ANO4: variants seen among roughly 807,000 people sequenced by gnomAD.
The protein encoded by ANO4 is anoctamin 4.
A neutral mutation model predicts 141.9 loss-of-function variants in ANO4; 69 were observed. The ratio of observed to expected loss-of-function variants is 0.49; its 90% confidence interval spans 0.40 to 0.59. ANO4 has a LOEUF of 0.59. Among genes scored for constraint, ANO4 ranks in the 20% least tolerant of loss-of-function variants. ANO4 has a pLI of 0.00. For missense variants in ANO4, 894 were observed against 1,162.2 expected, an observed-to-expected ratio of 0.77 and a Z score of 3.36; for synonymous variants, 350 against 394.3, an observed-to-expected ratio of 0.89 and a Z score of 1.33.
At chr12:100,737,637 T>C (rs1425990439) in intron 2 of ANO4, among the ~76,000 whole-genome samples, 11 of 152,326 alleles carry the variant, frequency 7.2e-5, no homozygotes. Context: ...TGATTCTGCA[T>C]AGGCAATGGG....
intron 2 of ANO4, among the ~76,000 whole-genome samples, chr12:100,916,368 TAAAA>T (rs557156592): frequency 2.0e-5 from 3 of 151,256 alleles, no homozygotes; most frequent in South Asian, 2.1e-4. Context: ...AATTGTAGAC[TAAAA>T]AAAAATCAGA....
chr12:100,869,388 GA>G (rs2038922259), intron 1 of ANO4, among the ~76,000 whole-genome samples: 1 of 152,128 alleles, frequency 6.6e-6, no homozygotes, highest in Non-Finnish European at 1.5e-5. Flanking sequence ...AGTCCTGAGG[GA>G]ATGACCAGCA....
chr12:101,006,455 T>G (rs1321615912), intron 8 of ANO4, among the ~76,000 whole-genome samples: 1 of 152,252 alleles, frequency 6.6e-6, no homozygotes, highest in African/African-American at 2.4e-5. Flanking sequence ...GTCCTAGTAA[T>G]GCTCTTCCTA....
At chr12:100,989,596 T>C (rs1470620029) in intron 8 of ANO4, among the ~76,000 whole-genome samples, 1 of 146,936 alleles carries the variant, frequency 6.8e-6, no homozygotes, top group Non-Finnish European at 1.5e-5. Context: ...GATGGATACA[T>C]GGATAGGTCA....
intron 24 of ANO4, among the ~76,000 whole-genome samples, chr12:101,114,586 T>C (rs1348070906): frequency 6.6e-6 from 1 of 152,204 alleles, no homozygotes; most frequent in East Asian, 1.9e-4. Context: ...AGCGTTAGTC[T>C]TGATAAAGCC....
intron 2 of ANO4, among the ~76,000 whole-genome samples, chr12:100,921,168 G>A (rs2041615543): frequency 6.6e-6 from 1 of 152,050 alleles, no homozygotes; most frequent in African/African-American, 2.4e-5. Flanking sequence ...GCCAGCTCCT[G>A]TTCTAAGTGC....
At chr12:101,062,856 G>C (rs1460255355) in intron 14 of ANO4, among the ~76,000 whole-genome samples, 3 of 152,216 alleles carry the variant, frequency 2.0e-5, no homozygotes, top group African/African-American at 7.2e-5. Flanking sequence ...TAGACTGCTT[G>C]GCTCCCTGGC....
chr12:100,796,582 A>G (rs1321532699), intron 1 of ANO4, among the ~76,000 whole-genome samples: 1 of 152,088 alleles, frequency 6.6e-6, no homozygotes, highest in Non-Finnish European at 1.5e-5. Context: ...AGATGTTTAC[A>G]TGTTAGCCCT....
chr12:101,038,806 G>A (rs2047302038), intron 10 of ANO4: 1 of 152,094 alleles, frequency 6.6e-6, no homozygotes, highest in South Asian at 2.1e-4. Flanking sequence ...CAGGTGTGGT[G>A]GCTCAGGCCT....
chr12:100,786,570 T>C (rs552450370), intron 3 of ANO4, among the ~76,000 whole-genome samples: 2 of 152,250 alleles, frequency 1.3e-5, no homozygotes, highest in Admixed American at 1.3e-4. Context: ...CCCTCCAAAT[T>C]TGAATGCTGG....
At chr12:101,026,983 C>T (rs2046765882) in intron 9 of ANO4, among the ~76,000 whole-genome samples, 1 of 152,162 alleles carries the variant, frequency 6.6e-6, no homozygotes, top group Non-Finnish European at 1.5e-5. Context: ...ATCAGAGGCT[C>T]CCATCAAAAA....
intron 14 of ANO4, chr12:101,068,846 T>C (rs773062704): frequency 1.5e-5 from 15 of 979,156 alleles, no homozygotes; most frequent in Admixed American, 1.0e-4. Context: ...TTTGAAAAAC[T>C]TAGGAAAGTA....
At chr12:100,997,622 C>T (rs1044751530) in intron 8 of ANO4, among the ~76,000 whole-genome samples, 2 of 152,092 alleles carry the variant, frequency 1.3e-5, no homozygotes, top group African/African-American at 4.8e-5. Context: ...TTGCAGGCCT[C>T]AGTGGCCTAT....
chr12:101,100,060 T>G (rs1296296032), intron 22 of ANO4, among the ~76,000 whole-genome samples: 1 of 152,180 alleles, frequency 6.6e-6, no homozygotes, highest in Non-Finnish European at 1.5e-5. Context: ...ATCTCTAAAG[T>G]GGGAATAATA....
At chr12:100,779,557 A>G (rs2033646896) in intron 3 of ANO4, among the ~76,000 whole-genome samples, 1 of 152,204 alleles carries the variant, frequency 6.6e-6, no homozygotes, top group Admixed American at 6.5e-5. Context: ...CTCTTTATAA[A>G]TAATCTGTTT....
intron 8 of ANO4, among the ~76,000 whole-genome samples, chr12:100,991,347 G>A (rs1319380546): frequency 6.6e-6 from 1 of 151,922 alleles, no homozygotes; most frequent in African/African-American, 2.4e-5. Context: ...TAAGCTCTGG[G>A]AATTATAGCA....
chr12:101,081,351 C>T (rs76409549), intron 15 of ANO4, among the ~76,000 whole-genome samples: 2,458 of 152,052 alleles, frequency 0.016, 66 homozygotes, highest in African/African-American at 0.057. Context: ...AGTCTACAAT[C>T]ATTGTTGGCG....
intron 14 of ANO4, chr12:101,069,046 C>T: frequency 1.2e-6 from 1 of 837,914 alleles, no homozygotes; most frequent in Non-Finnish European, 2.1e-6. Context: ...CTAAGGTACA[C>T]TAGGAGGAGT....
chr12:100,830,134 T>A (rs962422271), intron 1 of ANO4, among the ~76,000 whole-genome samples: 2 of 152,122 alleles, frequency 1.3e-5, no homozygotes, highest in African/African-American at 2.4e-5. Context: ...GAAAGCAGTT[T>A]ATGAGCTCTC....
Sources: allele counts gnomAD v4.1 joint callset (sites outside exome capture counted in the v4.1 genomes callset), GRCh38; gene constraint gnomAD v4.1.1; transcripts MANE v1.5; gene names NCBI Gene and HGNC (gene_info 2026-07-23, HGNC 2026-07-21).